DNAJB13: variants seen among roughly 807,000 people sequenced by gnomAD.
DNAJB13 encodes the protein DnaJ heat shock protein family (Hsp40) member B13.
In DNAJB13, 22 loss-of-function variants were observed where a neutral mutation model predicts 35.6. That is an observed-to-expected ratio of 0.62 (90% CI 0.44 to 0.88). The LOEUF is 0.88. Among genes scored for constraint, DNAJB13 ranks in the 40% least tolerant of loss-of-function variants. The pLI is 0.00. For missense variants in DNAJB13, 370 were observed against 384.3 expected, an observed-to-expected ratio of 0.96 and a Z score of 0.31; for synonymous variants, 136 against 144.2, an observed-to-expected ratio of 0.94 and a Z score of 0.41.
intron 3 of DNAJB13, among the ~76,000 whole-genome samples, chr11:73,961,166 G>T (rs1052516583): frequency 5.3e-5 from 8 of 152,144 alleles, no homozygotes; most frequent in African/African-American, 1.9e-4. Flanking sequence ...TGTAGTTCCA[G>T]CTACTCAGGA....
rs532664812 is a variant in DNAJB13 at position 73,969,341 on chromosome 11, G to A, written c.797+19G>A. ...TCATCCAGTGAGTCCATCTGCCTTG[G>A]GCCCCAGTAGCCAAGAGAAGGGCTA... is the stretch of plus-strand genomic sequence containing the variant. On this transcript the variant is annotated intron_variant, in intron 7 of 7. Transcript: ENST00000339764. 1.1e-6 allele frequency: 1 copy of A among 871,014 alleles called. No individual in the cohort carries two copies. Among genetic ancestry groups the A allele is most frequent in the South Asian group, 1.3e-5 (1 of 76,292 alleles). The allele number at this position is 871,014 out of a possible 1,614,324, so 54.0% of individuals were successfully genotyped here.
At chr11:73,955,672 C>A (rs893162492) in intron 1 of DNAJB13, among the ~76,000 whole-genome samples, 1 of 152,102 alleles carries the variant, frequency 6.6e-6, no homozygotes, top group East Asian at 2.0e-4. Flanking sequence ...ACTAAAAATA[C>A]AAAAATTAGC....
At chr11:73,965,183 C>T (rs1343392946) in intron 4 of DNAJB13, 148 bp downstream of exon 4, 24 of 940,724 alleles carry the variant, frequency 2.6e-5, no homozygotes, top group African/African-American at 5.1e-5. Flanking sequence ...GTTAGAATTC[C>T]GGAATCTGAA....
chr11:73,964,600 A>T (rs1951028402), intron 3 of DNAJB13: 2 of 359,126 alleles, frequency 5.6e-6, no homozygotes, highest in Non-Finnish European at 1.0e-5. Flanking sequence ...TGGGGGGGGA[A>T]TGTCCCAAGG....
chr11:73,962,430 C>CGGATGGCTGGGTAAATGAAT (rs1197256765), intron 3 of DNAJB13, among the ~76,000 whole-genome samples: 1 of 145,862 alleles, frequency 6.9e-6, no homozygotes, highest in African/African-American at 2.8e-5. Context: ...GGTAGGCGGA[C>CGGATGGCTGGGTAAATGAAT]GGATGGCTGG....
intron 1 of DNAJB13, among the ~76,000 whole-genome samples, chr11:73,956,492 G>A (rs1452845540): frequency 6.6e-6 from 1 of 152,130 alleles, no homozygotes; most frequent in African/African-American, 2.4e-5. Context: ...TATGCCAGGA[G>A]AGGGACCTGG....
chr11:73,954,821 G>T (rs1193641256), intron 1 of DNAJB13, among the ~76,000 whole-genome samples: 1 of 151,648 alleles, frequency 6.6e-6, no homozygotes, highest in African/African-American at 2.4e-5. Flanking sequence ...CGTGGTGACG[G>T]GTACCTGTAA....
chr11:73,959,841 C>A, intron 3 of DNAJB13, 186 bp downstream of exon 3: 2 of 442,896 alleles, frequency 4.5e-6, no homozygotes, highest in Non-Finnish European at 7.1e-6. Context: ...TGGCTTACTG[C>A]AACCTCTGCC....
chr11:73,966,351 C>T (rs1379373761), intron 5 of DNAJB13, 100 bp downstream of exon 5: 2 of 1,117,156 alleles, frequency 1.8e-6, no homozygotes, highest in African/African-American at 3.1e-5. Context: ...TTTTCCTGCC[C>T]CTGTGAGCCT....
chr11:73,967,116 G>C (rs1014353722), intron 5 of DNAJB13, among the ~76,000 whole-genome samples: 1 of 151,992 alleles, frequency 6.6e-6, no homozygotes, highest in Non-Finnish European at 1.5e-5. Context: ...GCCTCCCAAA[G>C]TGCTGGGATT....
intron 1 of DNAJB13, among the ~76,000 whole-genome samples, chr11:73,954,946 C>T (rs939261457): frequency 4.6e-5 from 7 of 151,992 alleles, no homozygotes; most frequent in African/African-American, 1.7e-4. Context: ...AGCAAAACTC[C>T]ATTTCAAAAA....
chr11:73,969,985 A>AG lies in DNAJB13; in HGVS notation c.826dup (p.Glu276GlyfsTer11). On this transcript the variant is annotated frameshift_variant, in exon 8 of 8. Transcript: ENST00000339764. LOFTEE classifies it high-confidence loss of function. ...GCCCCAAATACTTCAAGAAGGTGCC[A>AG]GGGGAGGGGATGCCATTGCCGGAGG... 1.2e-6 allele frequency: 2 copies of AG among 1,611,024 alleles called. No individual in the cohort carries two copies. The highest frequency in any genetic ancestry group is 1.3e-5 in the African/African-American group (1 of 75,002).
Position 73,970,191 on chromosome 11 carries a change from G to A in DNAJB13, c.*77G>A. On this transcript the variant is annotated 3_prime_UTR_variant, in exon 8 of 8. Coordinates refer to ENST00000339764, the MANE Select transcript of DNAJB13 (RefSeq NM_153614.4). The stretch of plus-strand genomic sequence containing the variant: ...CCCCTACCCGCCACAGCCTCAGGGT[G>A]TGCAGGGGAGCCTGCTGCACAGATA... 6.6e-7 allele frequency: 1 copy of A among 1,504,602 alleles called. No homozygotes were observed. The highest frequency in any genetic ancestry group is 8.9e-7 in the Non-Finnish European group (1 of 1,123,750). 93.2% of individuals were successfully genotyped at this position (1,504,602 alleles called of 1,614,324 possible).
In DNAJB13 at chr11:73,969,882, G is replaced by A. The variant is rs1951232347; in HGVS notation, c.798-79G>A. 6 of 1,511,838 alleles carry A rather than the reference G, an allele frequency of 4.0e-6. No individual in the cohort carries two copies. The South Asian group carries it at 5.3e-5, about 13-fold the overall frequency. 93.7% of individuals were successfully genotyped at this position (1,511,838 alleles called of 1,614,324 possible). A position where few individuals can be genotyped will look rare whatever the true frequency, so the allele number is the denominator to read the frequency against. ...CTGTCCCCTTCCTGGGGTTATGTGA[G>A]TAGGGGTTATATGACAGGGACCTGC... On this transcript the variant is annotated intron_variant, in intron 7 of 7. Coordinates refer to ENST00000339764, the MANE Select transcript of DNAJB13 (RefSeq NM_153614.4).
At position 73,969,987 on chromosome 11, in the gene DNAJB13, G is replaced by C. The variant is rs922383228; in HGVS notation, c.824G>C (p.Gly275Ala). 1 of 1,611,402 alleles carries C rather than the reference G, an allele frequency of 6.2e-7. No individual in the cohort carries two copies. Residue 275 changes from glycine to alanine, a missense_variant, in exon 8 of 8, where the codon GGG becomes GCG. By Grantham distance (60) the Gly-to-Ala change is moderately conservative. Coordinates refer to ENST00000339764, the MANE Select transcript of DNAJB13 (RefSeq NM_153614.4). ...IHPKYFKKVP[G>A]EGMPLPEDPT... ...CCCAAATACTTCAAGAAGGTGCCAG[G>C]GGAGGGGATGCCATTGCCGGAGGAC... is the stretch of plus-strand genomic sequence containing the variant.
chr11:73,970,267 A>G lies in DNAJB13; in HGVS notation c.*153A>G, dbSNP rs879574960. 22 of 970,628 alleles carry G rather than the reference A, an allele frequency of 2.3e-5. No individual in the cohort carries two copies. The highest frequency in any genetic ancestry group is 3.4e-5 in the African/African-American group (2 of 59,498). 60.1% of individuals were successfully genotyped at this position (970,628 alleles called of 1,614,324 possible). On this transcript the variant is annotated 3_prime_UTR_variant, in exon 8 of 8. Coordinates refer to ENST00000339764, the MANE Select transcript of DNAJB13 (RefSeq NM_153614.4). ...GCTTAAACTGACATAATAAAGATCTATTTCCTGTCCTCCAGCTACACCCAC... is the reference window on the plus strand; with the variant it reads ...GCTTAAACTGACATAATAAAGATCTGTTTCCTGTCCTCCAGCTACACCCAC...
chr11:73,963,308 G>C (rs567804134), intron 3 of DNAJB13, among the ~76,000 whole-genome samples: 2 of 150,886 alleles, frequency 1.3e-5, no homozygotes, highest in East Asian at 3.9e-4. Flanking sequence ...TTGCGCCATT[G>C]CACTCCAGCC....
At chr11:73,958,588 G>A (rs1187789276) in intron 2 of DNAJB13, among the ~76,000 whole-genome samples, 168 bp downstream of exon 2, 1 of 152,240 alleles carries the variant, frequency 6.6e-6, no homozygotes, top group East Asian at 1.9e-4. Flanking sequence ...CTCAGTAGAA[G>A]CAAGCTGAGG....
chr11:73,965,897 C>T, intron 4 of DNAJB13: 1 of 500,894 alleles, frequency 2.0e-6, no homozygotes, highest in Non-Finnish European at 3.6e-6. Context: ...CTCTGCCATA[C>T]TGGAATCATA....
Sources: allele counts gnomAD v4.1 joint callset (sites outside exome capture counted in the v4.1 genomes callset), GRCh38; gene constraint gnomAD v4.1.1; transcripts MANE v1.5; gene names NCBI Gene and HGNC (gene_info 2026-07-23, HGNC 2026-07-21).